DOCK1: variants seen among roughly 807,000 people sequenced by gnomAD.
The protein encoded by DOCK1 is dedicator of cytokinesis 1, also known as dedicator of cytokinesis protein 1.
Under a neutral mutation model 262.7 loss-of-function variants are expected in DOCK1, and 138 were observed. The observed-to-expected ratio is 0.53, with a 90% CI of 0.46 to 0.61. The LOEUF (loss-of-function observed/expected upper bound fraction) is 0.61, where lower values mean the gene tolerates loss of function less well. DOCK1 is among the 20% of genes least tolerant of loss of function. DOCK1 has a pLI of 0.00. For missense variants in DOCK1, 1,908 were observed against 2,370.7 expected (o/e 0.80, Z 4.05); for synonymous variants, 866 against 867.4 (o/e 1.00, Z 0.03).
intron 25 of DOCK1, among the ~76,000 whole-genome samples, chr10:127,122,438 G>A (rs1052536246): frequency 1.3e-5 from 2 of 152,006 alleles, no homozygotes; most frequent in African/African-American, 2.4e-5. Flanking sequence ...TGATGGTGCC[G>A]GGGGAGACCT....
At chr10:127,355,016 C>T (rs993275417) in intron 32 of DOCK1, among the ~76,000 whole-genome samples, 1 of 152,220 alleles carries the variant, frequency 6.6e-6, no homozygotes, top group Non-Finnish European at 1.5e-5. Flanking sequence ...TTGCCTCCCT[C>T]CCTCAGTTGC....
intron 28 of DOCK1, among the ~76,000 whole-genome samples, chr10:127,256,352 C>A (rs894049885): frequency 6.6e-6 from 1 of 152,184 alleles, no homozygotes; most frequent in Non-Finnish European, 1.5e-5. Context: ...ACCACCTTGG[C>A]CTTCACAGCC....
intron 23 of DOCK1, among the ~76,000 whole-genome samples, chr10:127,093,245 T>TCTTTCTTTCTTTCTTTCTTTC (rs1402479133): frequency 3.0e-5 from 4 of 132,460 alleles, no homozygotes; most frequent in African/African-American, 1.2e-4. Context: ...CTTTCTTCTT[T>TCTTTCTTTCTTTCTTTCTTTC]TTTTTTTTTT....
intron 27 of DOCK1, among the ~76,000 whole-genome samples, chr10:127,143,626 A>G (rs1337984198): frequency 3.3e-5 from 5 of 152,320 alleles, no homozygotes; most frequent in Middle Eastern, 3.4e-3. Flanking sequence ...ATTTATGTCA[A>G]CTGACATTGG....
In DOCK1 at chr10:127,012,790, C is replaced by T. The variant is rs981515587; in HGVS notation, c.1201+416C>T. On this transcript the variant is annotated intron_variant, in intron 12 of 51. Coordinates refer to ENST00000623213, the MANE Select transcript of DOCK1 (RefSeq NM_001290223.2). This position sits in a 1 kb window ranked among gnomAD's most constrained non-coding sequence, Gnocchi z 4.0. ...AAGTGATTTCTCCGCCCCTACACTCCGCCTCACACTCACTGTTTTTAATCC... is the reference window on the plus strand; with the variant it reads ...AAGTGATTTCTCCGCCCCTACACTCTGCCTCACACTCACTGTTTTTAATCC... Among the ~76,000 whole-genome samples, 5 of 152,194 alleles carry T rather than the reference C, an allele frequency of 3.3e-5. No homozygotes were observed. Among genetic ancestry groups the T allele is most frequent in the Admixed American group, 6.5e-5 (1 of 15,284 alleles).
chr10:127,391,285 C>T (rs147284279), intron 38 of DOCK1, among the ~76,000 whole-genome samples: 215 of 152,118 alleles, frequency 1.4e-3, no homozygotes, highest in African/African-American at 5.0e-3. Flanking sequence ...ACGGCAGTTA[C>T]CAGCGGGAAC....
intron 25 of DOCK1, among the ~76,000 whole-genome samples, chr10:127,124,568 T>C (rs1020276381): frequency 1.2e-4 from 18 of 152,242 alleles, no homozygotes; most frequent in African/African-American, 3.9e-4. Context: ...TCTGCTCTTA[T>C]TGAAAGAACA....
intron 35 of DOCK1, among the ~76,000 whole-genome samples, chr10:127,375,368 C>T (rs2065431002): frequency 1.3e-5 from 2 of 152,236 alleles, no homozygotes; most frequent in Admixed American, 6.5e-5. Flanking sequence ...AAACACTACT[C>T]CTGCTTTGCT....
chr10:127,233,885 T>G (rs1363636764), intron 27 of DOCK1, among the ~76,000 whole-genome samples: 1 of 152,244 alleles, frequency 6.6e-6, no homozygotes, highest in Non-Finnish European at 1.5e-5. Flanking sequence ...CGATGTGATT[T>G]CGGCTGCTCC....
At chr10:127,193,371 G>C (rs1431316345) in intron 27 of DOCK1, among the ~76,000 whole-genome samples, 32 of 152,182 alleles carry the variant, frequency 2.1e-4, no homozygotes, top group Admixed American at 2.1e-3. Flanking sequence ...TGGACGCGTT[G>C]AACAGCATCC....
At chr10:127,249,432 T>TATACAC (rs1254214118) in intron 28 of DOCK1, among the ~76,000 whole-genome samples, 3 of 96,960 alleles carry the variant, frequency 3.1e-5, no homozygotes, top group African/African-American at 7.8e-5. Flanking sequence ...CATATATATA[T>TATACAC]ACACACACAC....
At chr10:127,016,460 C>G in intron 12 of DOCK1, 1 of 152,388 alleles carries the variant, frequency 6.6e-6, no homozygotes, top group Non-Finnish European at 1.5e-5. Context: ...CTGCTCCCGT[C>G]AGGGACAGCC....
intron 29 of DOCK1, among the ~76,000 whole-genome samples, chr10:127,294,301 T>TTTTTG (rs556839253): frequency 1.1e-4 from 17 of 150,506 alleles, no homozygotes; most frequent in East Asian, 6.1e-4. Context: ...TTGTTGTCGT[T>TTTTTG]TTTTGTTTTG....
In DOCK1 at chr10:127,374,235, G is replaced by GT. The variant is rs771387650; in HGVS notation, c.3675+27dup. The stretch of plus-strand genomic sequence containing the variant: ...TGCTGGTGAGTGAAAGCTTAATCAC[G>GT]TTTTTTCAGTTTTCACAGCACACCA... On this transcript the variant is annotated intron_variant, in intron 35 of 51. Transcript: ENST00000623213. The GT allele has an allele frequency of 8.2e-6, 13 of 1,593,946 alleles. No homozygotes were observed. The South Asian group carries it at 9.1e-5, about 11-fold the overall frequency.
intron 25 of DOCK1, among the ~76,000 whole-genome samples, chr10:127,118,080 A>G (rs985438293): frequency 6.6e-6 from 1 of 151,990 alleles, no homozygotes; most frequent in African/African-American, 2.4e-5. Flanking sequence ...ATGGGCCAAG[A>G]CCTATGTTTT....
chr10:127,228,738 A>G (rs575242136), intron 27 of DOCK1, among the ~76,000 whole-genome samples: 2 of 152,366 alleles, frequency 1.3e-5, no homozygotes, highest in South Asian at 4.1e-4. Flanking sequence ...AAAATCACAC[A>G]CATTCTCTAG....
At chr10:127,251,974 T>C (rs573323649) in intron 28 of DOCK1, among the ~76,000 whole-genome samples, 4 of 152,236 alleles carry the variant, frequency 2.6e-5, no homozygotes, top group Admixed American at 6.5e-5. Context: ...GACTTCCACA[T>C]TGGTTGAACT....
intron 1 of DOCK1, among the ~76,000 whole-genome samples, chr10:126,960,878 A>T (rs2037162638): frequency 6.6e-6 from 1 of 151,756 alleles, no homozygotes; most frequent in Non-Finnish European, 1.5e-5. Flanking sequence ...AATAGAAAAA[A>T]AAAAAGAAAT....
At chr10:127,018,972 A>T (rs1591679896) in intron 13 of DOCK1, 137 bp downstream of exon 13, 2 of 1,326,864 alleles carry the variant, frequency 1.5e-6, no homozygotes, top group East Asian at 5.0e-5. Flanking sequence ...TGTAAGCCCC[A>T]GCATGGTTAT....
Sources: allele counts gnomAD v4.1 joint callset (sites outside exome capture counted in the v4.1 genomes callset), GRCh38; gene constraint gnomAD v4.1.1; non-coding constraint Gnocchi (gnomAD v3.1); transcripts MANE v1.5; gene names NCBI Gene and HGNC (gene_info 2026-07-23, HGNC 2026-07-21).